LRRC8C: variants seen among roughly 807,000 people sequenced by gnomAD.
The protein encoded by LRRC8C is leucine rich repeat containing 8 VRAC subunit C.
In LRRC8C, 20 loss-of-function variants were observed where a neutral mutation model predicts 55.3. The ratio of observed to expected loss-of-function variants is 0.36; its 90% confidence interval spans 0.25 to 0.53. The LOEUF is 0.53. LRRC8C is among the 20% of genes least tolerant of loss of function. LRRC8C has a pLI of 0.92. For missense variants in LRRC8C, 659 were observed against 951.4 expected, an observed-to-expected ratio of 0.69 and a Z score of 4.04; for synonymous variants, 376 against 360.7, an observed-to-expected ratio of 1.04 and a Z score of -0.48.
At chr1:89,690,712 T>A (rs116327960) in intron 2 of LRRC8C, among the ~76,000 whole-genome samples, 3,465 of 152,292 alleles carry the variant, frequency 0.023, 136 homozygotes, top group African/African-American at 0.079. Flanking sequence ...AAACCTCTTT[T>A]CCTGTGTGCT....
At chr1:89,646,575 G>C (rs889942915) in intron 1 of LRRC8C, among the ~76,000 whole-genome samples, 2 of 151,976 alleles carry the variant, frequency 1.3e-5, no homozygotes, top group African/African-American at 2.4e-5. Flanking sequence ...TCAGCATCTA[G>C]TAATGATAAA....
At chr1:89,651,120 G>A (rs1202393642) in intron 1 of LRRC8C, among the ~76,000 whole-genome samples, 1 of 152,170 alleles carries the variant, frequency 6.6e-6, no homozygotes, top group Non-Finnish European at 1.5e-5. Flanking sequence ...CTCTTGAGGT[G>A]AGCAGGTCTC....
intron 2 of LRRC8C, among the ~76,000 whole-genome samples, chr1:89,706,860 C>A (rs553294159): frequency 6.6e-6 from 1 of 152,208 alleles, no homozygotes; most frequent in Admixed American, 6.5e-5. Context: ...TCTTCAAGAT[C>A]CTCTTTTATC....
chr1:89,700,548 A>G (rs140095324), intron 2 of LRRC8C, among the ~76,000 whole-genome samples: 1 of 152,336 alleles, frequency 6.6e-6, no homozygotes, highest in African/African-American at 2.4e-5. Flanking sequence ...TAGGTATTCA[A>G]TATGTTTCTG....
chr1:89,631,349 T>C (rs994944091), upstream of LRRC8C, among the ~76,000 whole-genome samples: 1 of 152,138 alleles, frequency 6.6e-6, no homozygotes, highest in African/African-American at 2.4e-5. Flanking sequence ...AGTCTAAGGT[T>C]CAATGATTCC....
In LRRC8C at chr1:89,705,034, C is replaced by T. The variant is rs990874498; in HGVS notation, c.139-7675C>T. Reference sequence around the variant, plus strand: ...ACTTGGAACCAACCCAAATGTCCAACAATGATAGACTGGATTAAGAAAATG... The same window carrying T: ...ACTTGGAACCAACCCAAATGTCCAATAATGATAGACTGGATTAAGAAAATG... On this transcript the variant is annotated intron_variant, in intron 2 of 2. Coordinates refer to ENST00000370454, the MANE Select transcript of LRRC8C (RefSeq NM_032270.5). Among the ~76,000 whole-genome samples, 18 of 151,698 alleles carry T rather than the reference C, an allele frequency of 1.2e-4. No individual in the cohort carries two copies. The South Asian group carries it at 2.5e-3, about 21-fold the overall frequency.
At chr1:89,639,625 C>A (rs918863714) in intron 1 of LRRC8C, among the ~76,000 whole-genome samples, 5 of 152,190 alleles carry the variant, frequency 3.3e-5, no homozygotes, top group African/African-American at 1.2e-4. Context: ...CACATATTTT[C>A]TCTGTTTGAT....
At chr1:89,701,343 G>A (rs534655908) in intron 2 of LRRC8C, among the ~76,000 whole-genome samples, 5 of 152,172 alleles carry the variant, frequency 3.3e-5, no homozygotes, top group Admixed American at 2.0e-4. Context: ...GGGCGTGGTG[G>A]TGGGCACCTG....
chr1:89,638,357 A>T (rs546283679), intron 1 of LRRC8C, among the ~76,000 whole-genome samples: 1 of 152,300 alleles, frequency 6.6e-6, no homozygotes, highest in African/African-American at 2.4e-5. Context: ...CATAAATTGT[A>T]ATAACACAGA....
At chr1:89,654,137 A>C (rs1656871300) in intron 1 of LRRC8C, among the ~76,000 whole-genome samples, 1 of 152,206 alleles carries the variant, frequency 6.6e-6, no homozygotes, top group Non-Finnish European at 1.5e-5. Flanking sequence ...CATGGATAGA[A>C]CTGGAGGCCA....
chr1:89,642,259 G>C (rs1310131634), intron 1 of LRRC8C, among the ~76,000 whole-genome samples: 3 of 152,196 alleles, frequency 2.0e-5, no homozygotes, highest in Admixed American at 1.3e-4. Context: ...AAAAAGTTGA[G>C]ATTCTTTTGA....
chr1:89,648,533 G>T (rs569125090), intron 1 of LRRC8C, among the ~76,000 whole-genome samples: 2 of 152,230 alleles, frequency 1.3e-5, no homozygotes, highest in African/African-American at 4.8e-5. Flanking sequence ...AACAGACAGG[G>T]TGAACCAAAA....
chr1:89,653,863 C>T (rs768610364), intron 1 of LRRC8C, among the ~76,000 whole-genome samples: 5 of 152,122 alleles, frequency 3.3e-5, no homozygotes, highest in Non-Finnish European at 7.4e-5. Context: ...TAATTTCAAT[C>T]CAGCAGTATC....
At chr1:89,709,558 G>A (rs1658584848) in intron 2 of LRRC8C, among the ~76,000 whole-genome samples, 1 of 152,106 alleles carries the variant, frequency 6.6e-6, no homozygotes, top group Admixed American at 6.5e-5. Context: ...TAAGTCCACC[G>A]TCTTCTTTCA....
intron 1 of LRRC8C, among the ~76,000 whole-genome samples, chr1:89,637,845 G>GTAAC (rs1365275270): frequency 2.6e-5 from 4 of 152,308 alleles, no homozygotes; most frequent in African/African-American, 9.6e-5. Context: ...ACTTAGGAGT[G>GTAAC]TAACATACCA....
intron 1 of LRRC8C, among the ~76,000 whole-genome samples, chr1:89,675,062 C>T (rs573406514): frequency 6.6e-6 from 1 of 152,204 alleles, no homozygotes; most frequent in South Asian, 2.1e-4. Flanking sequence ...TTTTGGTTGA[C>T]AGTTTGTATA....
the LRRC8C span, among the ~76,000 whole-genome samples, chr1:89,618,972 A>T: frequency 6.6e-6 from 1 of 152,184 alleles, no homozygotes; most frequent in African/African-American, 2.4e-5. Flanking sequence ...AGCCTTTTGA[A>T]GTTGGTTTGC....
chr1:89,651,101 T>A (rs888669376), intron 1 of LRRC8C, among the ~76,000 whole-genome samples: 9 of 152,130 alleles, frequency 5.9e-5, no homozygotes, highest in South Asian at 4.1e-4. Flanking sequence ...AGGCTGACAA[T>A]AACTGTTTCT....
chr1:89,622,415 C>T, the LRRC8C span, among the ~76,000 whole-genome samples: 1,375 of 151,528 alleles, frequency 9.1e-3, 15 homozygotes, highest in African/African-American at 0.032. Flanking sequence ...TCACTGCAAG[C>T]TCCGCCTCCT....
Sources: gnomAD v4.1 joint callset for allele counts (sites outside exome capture counted in the v4.1 genomes callset) on GRCh38, gnomAD v4.1.1 for gene constraint, MANE v1.5 for transcripts, NCBI Gene and HGNC (gene_info 2026-07-23, HGNC 2026-07-21) for gene names.